The following ELSPBP1 variants were observed in gnomAD, a reference collection of about 807,000 sequenced individuals.
The protein encoded by ELSPBP1 is epididymal sperm-binding protein 1.
A neutral mutation model predicts 33.3 loss-of-function variants in ELSPBP1; 38 were observed. That is an observed-to-expected ratio of 1.14 (90% confidence interval 0.88 to 1.50). ELSPBP1 has a LOEUF of 1.50. Among genes scored for constraint, ELSPBP1 ranks in the 40% most tolerant of loss-of-function variants. ELSPBP1 has a pLI of 0.00. For synonymous variants in ELSPBP1, 85 were observed against 94.1 expected (o/e 0.90, Z 0.56); for missense variants, 267 against 263.5 (o/e 1.01, Z -0.09).
intron 1 of ELSPBP1, among the ~76,000 whole-genome samples, chr19:48,008,206 A>ATTCT (rs1362526720): frequency 6.6e-6 from 1 of 151,750 alleles, no homozygotes; most frequent in African/African-American, 2.4e-5. Flanking sequence ...CATATGTAGA[A>ATTCT]ACATATGTGT....
intron 1 of ELSPBP1, among the ~76,000 whole-genome samples, chr19:48,001,459 C>G (rs76664975): frequency 0.02 from 3,011 of 151,996 alleles, 87 homozygotes; most frequent in African/African-American, 0.068. Flanking sequence ...CACCACCTCT[C>G]TTTTATAAGG....
intron 1 of ELSPBP1, among the ~76,000 whole-genome samples, chr19:48,002,845 A>C (rs1249540664): frequency 6.6e-6 from 1 of 152,206 alleles, no homozygotes; most frequent in African/African-American, 2.4e-5. Context: ...AGTAATGAAA[A>C]TATCTGGCTT....
rs565860067 is a variant in ELSPBP1, at chr19:48,022,055, G to A, written c.515-115G>A. The A allele has an allele frequency of 1.3e-4, 117 of 926,280 alleles. No individual in the cohort carries two copies. In the African/African-American group the frequency reaches 1.6e-3, roughly 12 times the overall value. 57.4% of individuals were successfully genotyped at this position (926,280 alleles called of 1,614,324 possible). On this transcript the variant is annotated intron_variant, in intron 5 of 6. Transcript: ENST00000339841. ...GCGATTAAATGCTGGGATTAAAGGC[G>A]CGAACCACCACACTCAGCCCCAATT...
chr19:48,020,277 T>C (rs916874910), intron 5 of ELSPBP1, among the ~76,000 whole-genome samples: 4 of 152,082 alleles, frequency 2.6e-5, no homozygotes, highest in Non-Finnish European at 4.4e-5. Context: ...TGATCACACC[T>C]CTGTACTCCA....
intron 5 of ELSPBP1, 128 bp downstream of exon 5, chr19:48,020,005 G>A (rs1183124885): frequency 4.7e-5 from 45 of 952,228 alleles, no homozygotes; most frequent in Middle Eastern, 3.4e-4. Context: ...TGATGAATCC[G>A]GCAGACAGAG....
intron 2 of ELSPBP1, among the ~76,000 whole-genome samples, chr19:48,009,569 C>T (rs891571151): frequency 5.9e-5 from 9 of 152,166 alleles, no homozygotes; most frequent in South Asian, 2.1e-4. Context: ...CCTGATAAAT[C>T]GTTCTCCTCT....
intron 1 of ELSPBP1, among the ~76,000 whole-genome samples, chr19:48,002,960 C>A (rs73565572): frequency 0.017 from 2,555 of 152,228 alleles, 62 homozygotes; most frequent in African/African-American, 0.058. Flanking sequence ...GAAAAACTAT[C>A]CCCATATTTT....
At chr19:48,014,006 C>A (rs778970574) in intron 2 of ELSPBP1, among the ~76,000 whole-genome samples, 165 bp from the exon 3 acceptor site, 3 of 152,126 alleles carry the variant, frequency 2.0e-5, no homozygotes, top group Non-Finnish European at 2.9e-5. Context: ...CCAAAGGCCC[C>A]TCGTACCATG....
Position 48,011,104 on chromosome 19 carries a change from G to T in ELSPBP1, c.70+2367G>T, listed in dbSNP as rs1017862668. ...TGATGACAACAATAATAGCGACAAT[G>T]ACAATGATGATGGTGACAGTGATGA... On this transcript the variant is annotated intron_variant, in intron 2 of 6. Transcript: ENST00000339841. The surrounding 1 kb of genome is among the most constrained non-coding windows in gnomAD (Gnocchi z 4.5). Among the ~76,000 whole-genome samples, 1 of 151,788 alleles carries T rather than the reference G, an allele frequency of 6.6e-6. No individual in the cohort carries two copies. The highest frequency in any genetic ancestry group is 1.5e-5 in the Non-Finnish European group (1 of 67,982).
intron 1 of ELSPBP1, among the ~76,000 whole-genome samples, chr19:47,996,640 T>G (rs1385748442): frequency 6.6e-6 from 1 of 151,658 alleles, no homozygotes; most frequent in East Asian, 1.9e-4. Context: ...GAAGGATACA[T>G]GGGTGGATGG....
chr19:48,014,847 C>G (rs2096323917), intron 3 of ELSPBP1, among the ~76,000 whole-genome samples: 2 of 152,016 alleles, frequency 1.3e-5, no homozygotes, highest in South Asian at 4.1e-4. Context: ...AAAAATAGTG[C>G]TCTCTGGATG....
chr19:48,021,495 A>G (rs1239267709), intron 5 of ELSPBP1, among the ~76,000 whole-genome samples: 2 of 151,212 alleles, frequency 1.3e-5, no homozygotes, highest in African/African-American at 4.9e-5. Context: ...GCTGGAGTGC[A>G]GTGGCGTGAT....
At chr19:48,016,668 A>G (rs28412366) in intron 4 of ELSPBP1, among the ~76,000 whole-genome samples, 24,948 of 150,470 alleles carry the variant, frequency 0.17, 2,115 homozygotes, top group South Asian at 0.22. Flanking sequence ...GAATGATCTC[A>G]GGTCACTGCA....
intron 2 of ELSPBP1, among the ~76,000 whole-genome samples, chr19:48,013,257 C>T (rs1055591682): frequency 2.0e-5 from 3 of 152,212 alleles, no homozygotes; most frequent in African/African-American, 7.2e-5. Flanking sequence ...CAAGGAACAA[C>T]ACACCACGGT....
intron 6 of ELSPBP1, among the ~76,000 whole-genome samples, chr19:48,024,138 C>T (rs1308423209): frequency 6.6e-6 from 1 of 151,868 alleles, no homozygotes; most frequent in Admixed American, 6.6e-5. Context: ...TCCAACTCGG[C>T]CTCCCAAAGT....
At chr19:48,006,621 CAAAAAAA>C (rs1190341508) in intron 1 of ELSPBP1, among the ~76,000 whole-genome samples, 88 of 20,862 alleles carry the variant, frequency 4.2e-3, no homozygotes, top group African/African-American at 0.01. Context: ...GACCCTGTCT[CAAAAAAA>C]AAAAAAAAAA....
rs1466205227 is a variant in ELSPBP1, at chr19:48,022,300, C to A, written c.645C>A (p.Asp215Glu). ...GGTGTGCAACTTCTTACAACTACGA[C>A]CAAGACCACACCTGGGTGTATTGCT... ...LVWCATSYNY[D>E]QDHTWVYC Residue 215 changes from aspartate (D) to glutamate (E), a missense_variant, in exon 6 of 7, where the codon GAC becomes GAA. Asp to Glu is a conservative substitution (Grantham distance 45, BLOSUM62 2). Coordinates refer to ENST00000339841, the MANE Select transcript of ELSPBP1 (RefSeq NM_022142.5). 11 of 1,612,842 alleles carry A rather than the reference C, an allele frequency of 6.8e-6. No individual in the cohort carries two copies. In the South Asian group the frequency reaches 1.2e-4, roughly 18 times the overall value.
At chr19:48,023,771 C>T (rs1271128590) in intron 6 of ELSPBP1, among the ~76,000 whole-genome samples, 2 of 152,150 alleles carry the variant, frequency 1.3e-5, no homozygotes, top group Admixed American at 6.6e-5. Flanking sequence ...CCCACCTCAG[C>T]CCGCTGGTCA....
chr19:48,016,095 G>A (rs746509324), intron 4 of ELSPBP1, 56 bp downstream of exon 4: 135 of 1,594,350 alleles, frequency 8.5e-5, no homozygotes, highest in Non-Finnish European at 1.1e-4. Flanking sequence ...GGACAGCATG[G>A]ATCCTCCTGA....
Sources: allele counts gnomAD v4.1 joint callset (sites outside exome capture counted in the v4.1 genomes callset), GRCh38; gene constraint gnomAD v4.1.1; non-coding constraint Gnocchi (gnomAD v3.1); transcripts MANE v1.5; gene names NCBI Gene and HGNC (gene_info 2026-07-23, HGNC 2026-07-21).